GPC5: variants seen among roughly 807,000 people sequenced by gnomAD.
The protein encoded by GPC5 is glypican-5.
GPC5 carries 47 observed loss-of-function variants against 53.9 expected under a neutral mutation model. The observed-to-expected ratio is 0.87, with a 90% confidence interval of 0.69 to 1.11. The LOEUF is 1.11. Among genes scored for constraint, GPC5 ranks in the 50% most tolerant of loss-of-function variants. GPC5 has a pLI of 0.00. For synonymous variants in GPC5, 286 were observed against 263.3 expected, an observed-to-expected ratio of 1.09 and a Z score of -0.84; for missense variants, 748 against 713.1, an observed-to-expected ratio of 1.05 and a Z score of -0.56.
intron 7 of GPC5, among the ~76,000 whole-genome samples, chr13:92,482,963 A>G (rs1879414336): frequency 6.6e-6 from 1 of 152,168 alleles, no homozygotes; most frequent in Non-Finnish European, 1.5e-5. Flanking sequence ...AGACCTCACA[A>G]TCATGGCAGA....
At position 91,545,486 on chromosome 13, in the gene GPC5, AATTT is replaced by A. The variant is rs574314482; in HGVS notation, c.325+96570_325+96573del. 9.3e-4 allele frequency among the ~76,000 whole-genome samples: 141 copies of A among 152,292 alleles called. 1 individual carries two copies. In the Middle Eastern group the frequency reaches 0.014, roughly 15 times the overall value. On this transcript the variant is annotated intron_variant, in intron 2 of 7. Coordinates refer to ENST00000377067, the MANE Select transcript of GPC5 (RefSeq NM_004466.6). Reference sequence around the variant, plus strand: ...ATTCAAGTTTTTGTAGGAGGAATTAAATTTATTTACTCTGATTTTCATAAATTTT... The same window carrying A: ...ATTCAAGTTTTTGTAGGAGGAATTAAATTTACTCTGATTTTCATAAATTTT...
chr13:91,405,626 T>C (rs1015344327), intron 1 of GPC5, among the ~76,000 whole-genome samples: 2 of 152,188 alleles, frequency 1.3e-5, no homozygotes, highest in African/African-American at 2.4e-5. Context: ...TAACTCTGGG[T>C]CTTTTGCCAC....
intron 2 of GPC5, among the ~76,000 whole-genome samples, chr13:91,470,164 T>A (rs1407976036): frequency 6.6e-6 from 1 of 152,202 alleles, no homozygotes; most frequent in Non-Finnish European, 1.5e-5. Context: ...GCATAGTAGC[T>A]TGGTTATGTC....
At chr13:91,816,021 G>A (rs151046406) in intron 5 of GPC5, among the ~76,000 whole-genome samples, 2 of 152,192 alleles carry the variant, frequency 1.3e-5, no homozygotes, top group Admixed American at 6.5e-5. Flanking sequence ...TCCCTGGGAA[G>A]CTTACCTAGC....
Position 92,118,442 on chromosome 13 carries a change from G to T in GPC5, c.1402-26388G>T, listed in dbSNP as rs533264263. Reference sequence around the variant, plus strand: ...GATGATGAGAGAGATTCTCTCTCTCGAAGTTCTAAGTGCCTGTGCATTGCT... The same window carrying T: ...GATGATGAGAGAGATTCTCTCTCTCTAAGTTCTAAGTGCCTGTGCATTGCT... On this transcript the variant is annotated intron_variant, in intron 6 of 7. Coordinates refer to ENST00000377067, the MANE Select transcript of GPC5 (RefSeq NM_004466.6). Among the ~76,000 whole-genome samples the T allele has an allele frequency of 2.6e-5, 4 of 152,046 alleles. No individual in the cohort carries two copies. The East Asian group carries it at 7.7e-4, about 29-fold the overall frequency.
At chr13:92,716,055 A>G (rs906490459) in intron 7 of GPC5, among the ~76,000 whole-genome samples, 2 of 152,200 alleles carry the variant, frequency 1.3e-5, no homozygotes, top group African/African-American at 4.8e-5. Context: ...AGAAATATCC[A>G]TGATATAAGA....
chr13:92,079,719 AG>A (rs2041280380), intron 6 of GPC5, among the ~76,000 whole-genome samples: 1 of 152,216 alleles, frequency 6.6e-6, no homozygotes, highest in South Asian at 2.1e-4. Flanking sequence ...GTTAGACCGC[AG>A]TGTATAACAT....
chr13:92,432,540 ATT>A (rs35182646), intron 7 of GPC5, among the ~76,000 whole-genome samples: 9 of 133,714 alleles, frequency 6.7e-5, no homozygotes, highest in Admixed American at 2.2e-4. Flanking sequence ...ACGCCCGGCT[ATT>A]TTTTTTTTTT....
chr13:91,713,937 A>T (rs543302849), intron 3 of GPC5, among the ~76,000 whole-genome samples: 3 of 152,184 alleles, frequency 2.0e-5, no homozygotes, highest in South Asian at 4.2e-4. Flanking sequence ...GTCTAATCTC[A>T]TCCAGTCTCC....
rs541141267 is a variant in GPC5, at chr13:91,447,902, G to T, written c.164-859G>T. ...TTGGAATGCCCTGGGGCTCACATCAGCTCTCTCCATCAGGGTTTCCTCTTT... is the reference window on the plus strand; with the variant it reads ...TTGGAATGCCCTGGGGCTCACATCATCTCTCTCCATCAGGGTTTCCTCTTT... On this transcript the variant is annotated intron_variant, in intron 1 of 7. Coordinates refer to ENST00000377067, the MANE Select transcript of GPC5 (RefSeq NM_004466.6). Among the ~76,000 whole-genome samples, 80 of 152,036 alleles carry T rather than the reference G, an allele frequency of 5.3e-4. 1 individual carries two copies. The highest frequency in any genetic ancestry group is 1.8e-3 in the African/African-American group (74 of 41,472).
At position 92,545,728 on chromosome 13, in the gene GPC5, G is replaced by A. The variant is rs552221850; in HGVS notation, c.1562-320554G>A. 2.0e-5 allele frequency among the ~76,000 whole-genome samples: 3 copies of A among 152,256 alleles called. No homozygotes were observed. The South Asian group carries it at 6.2e-4, about 32-fold the overall frequency. ...CTGCATAAATGTCTTCTTTTGAGAA[G>A]TGTCTGTTCATATCCTTTGCCCACT... is the stretch of plus-strand genomic sequence containing the variant. On this transcript the variant is annotated intron_variant, in intron 7 of 7. Transcript: ENST00000377067.
intron 2 of GPC5, among the ~76,000 whole-genome samples, chr13:91,669,787 C>T (rs2035202008): frequency 6.6e-6 from 1 of 152,180 alleles, no homozygotes; most frequent in African/African-American, 2.4e-5. Context: ...ACCAGCCATT[C>T]TCACTGAGGC....
rs112672742 is a variant in GPC5, at chr13:91,723,124, T to C, written c.1021-5408T>C. Among the ~76,000 whole-genome samples the C allele has an allele frequency of 6.4e-3, 968 of 152,278 alleles. 6 individuals carry two copies. Among genetic ancestry groups the C allele is most frequent in the African/African-American group, 0.022 (901 of 41,564 alleles). ...ATCTACTATTTGGATGGCAGTTGTT[T>C]CATAGTTTTAGGGCATAATATTTTG... is the stretch of plus-strand genomic sequence containing the variant. On this transcript the variant is annotated intron_variant, in intron 3 of 7. Coordinates refer to ENST00000377067, the MANE Select transcript of GPC5 (RefSeq NM_004466.6).
At chr13:91,806,904 A>G (rs2038230766) in intron 5 of GPC5, among the ~76,000 whole-genome samples, 1 of 152,142 alleles carries the variant, frequency 6.6e-6, no homozygotes, top group Non-Finnish European at 1.5e-5. Context: ...AATTATCAAC[A>G]TCTCATATAC....
chr13:92,783,728 C>T (rs1278119852), intron 7 of GPC5, among the ~76,000 whole-genome samples: 1 of 152,012 alleles, frequency 6.6e-6, no homozygotes, highest in Non-Finnish European at 1.5e-5. Flanking sequence ...GTAGGTTTTG[C>T]CCTTGTCTAT....
rs755603177 is a variant in GPC5 at position 91,756,350 on chromosome 13, C to G, written c.1210C>G (p.Gln404Glu). The change falls in exon 5 of 8, where the codon CAG becomes GAG. Residue 404 changes from glutamine (Q) to glutamate (E), a missense_variant. Physicochemically the swap from Gln to Glu is conservative, Grantham distance 29. Coordinates refer to ENST00000377067, the MANE Select transcript of GPC5 (RefSeq NM_004466.6). The part of the protein sequence containing the change: ...YRSFYGGLAD[Q>E]LCANELAAAD... ...GTCATTCTATGGAGGTCTAGCTGAT[C>G]AGCTTTGTGCTAATGAATTAGCTGC... The G allele has an allele frequency of 3.1e-6, 5 of 1,594,872 alleles. No homozygotes were observed. The African/African-American group carries it at 4.0e-5, about 13-fold the overall frequency.
chr13:92,395,510 C>T (rs976741665), intron 7 of GPC5, among the ~76,000 whole-genome samples: 15 of 152,140 alleles, frequency 9.9e-5, no homozygotes, highest in African/African-American at 3.4e-4. Context: ...GGTACATTTA[C>T]AAAGGAAATA....
At chr13:92,222,531 C>G (rs563573728) in intron 7 of GPC5, among the ~76,000 whole-genome samples, 1 of 152,122 alleles carries the variant, frequency 6.6e-6, no homozygotes, top group Non-Finnish European at 1.5e-5. Flanking sequence ...GAAGCAAGTT[C>G]GCACAGACAC....
chr13:92,676,500 T>C (rs182711438), intron 7 of GPC5, among the ~76,000 whole-genome samples: 12 of 152,264 alleles, frequency 7.9e-5, no homozygotes, highest in African/African-American at 2.9e-4. Flanking sequence ...TTTCTTCAAA[T>C]AAAGAAACAC....
Sources: gnomAD v4.1 joint callset for allele counts (sites outside exome capture counted in the v4.1 genomes callset) on GRCh38, gnomAD v4.1.1 for gene constraint, MANE v1.5 for transcripts, NCBI Gene and HGNC (gene_info 2026-07-23, HGNC 2026-07-21) for gene names.